Variants in CHD6 observed in about 807,000 individuals in gnomAD.
CHD6 encodes the protein ATP-dependent chromatin remodeler CHD6.
In CHD6, 50 loss-of-function variants were observed where a neutral mutation model predicts 276.9. The ratio of observed to expected loss-of-function variants is 0.18; its 90% confidence interval spans 0.14 to 0.23. CHD6 has a LOEUF of 0.23. Among genes scored for constraint, CHD6 ranks in the 10% least tolerant of loss-of-function variants. The probability of loss-of-function intolerance (pLI) is 1.00; values close to 1 mark genes in which losing one functional copy is unlikely to be tolerated. For missense variants in CHD6, 2,564 were observed against 3,365.8 expected (o/e 0.76, Z 5.89); for synonymous variants, 1,173 against 1,229.3 (o/e 0.95, Z 0.96).
chr20:41,557,962 A>G (rs2045258826), intron 1 of CHD6, among the ~76,000 whole-genome samples: 1 of 152,202 alleles, frequency 6.6e-6, no homozygotes, highest in Non-Finnish European at 1.5e-5. Context: ...AGGGTATACC[A>G]TGGGGATTTT....
intron 15 of CHD6, among the ~76,000 whole-genome samples, chr20:41,483,752 G>C (rs902582949): frequency 6.6e-6 from 1 of 152,284 alleles, no homozygotes; most frequent in Non-Finnish European, 1.5e-5. Context: ...CAAGTAGAGA[G>C]AGGATCTGAG....
intron 5 of CHD6, among the ~76,000 whole-genome samples, chr20:41,510,294 G>A (rs755475042): frequency 2.0e-5 from 3 of 152,212 alleles, no homozygotes; most frequent in Non-Finnish European, 1.5e-5. Context: ...AGGAAGCCCA[G>A]TATGTAAAAA....
At chr20:41,476,977 T>C (rs910648263) in intron 16 of CHD6, among the ~76,000 whole-genome samples, 4 of 151,958 alleles carry the variant, frequency 2.6e-5, no homozygotes, top group African/African-American at 7.3e-5. Context: ...TGGCTCACTC[T>C]TGTAACCCCA....
At chr20:41,532,216 C>A (rs1568681371) in intron 3 of CHD6, among the ~76,000 whole-genome samples, 2 of 152,164 alleles carry the variant, frequency 1.3e-5, no homozygotes, top group Non-Finnish European at 2.9e-5. Flanking sequence ...CTCTGTAAGT[C>A]ATTATGGTCT....
At chr20:41,454,106 C>G (rs899211753) in intron 20 of CHD6, among the ~76,000 whole-genome samples, 3 of 152,222 alleles carry the variant, frequency 2.0e-5, no homozygotes, top group Non-Finnish European at 4.4e-5. Context: ...GCCTGACCAC[C>G]TCCTCTTCTA....
chr20:41,498,563 T>C (rs142706019), intron 6 of CHD6, among the ~76,000 whole-genome samples: 3 of 152,292 alleles, frequency 2.0e-5, no homozygotes, highest in Non-Finnish European at 2.9e-5. Context: ...GGCACCCCAC[T>C]AACGCTTCAC....
Position 41,512,984 on chromosome 20 carries a change from C to T in CHD6, c.714G>A (p.Ser238=), listed in dbSNP as rs187181944. 5.1e-5 allele frequency: 82 copies of T among 1,614,002 alleles called. 1 individual carries two copies. The highest frequency in any genetic ancestry group is 4.5e-4 in the East Asian group (20 of 44,874). ...TESTDSQKRR[S]GRQVKRRKYN... ...ATTTTCTGCGCTTTACTTGCCTTCC[C>T]GAGCGTCGTTTCTGTAGGGCAAACA... The change falls in exon 5 of 37, where the codon TCG becomes TCA. Residue 238 remains serine, a synonymous_variant. Transcript: ENST00000373233.
At chr20:41,587,647 C>T (rs1432783437) in intron 1 of CHD6, among the ~76,000 whole-genome samples, 1 of 152,180 alleles carries the variant, frequency 6.6e-6, no homozygotes, top group African/African-American at 2.4e-5. Context: ...ACACTGAAAA[C>T]TGACAAGCTT....
chr20:41,579,455 A>G (rs928325781), intron 1 of CHD6, among the ~76,000 whole-genome samples: 16 of 150,388 alleles, frequency 1.1e-4, no homozygotes, highest in African/African-American at 2.9e-4. Flanking sequence ...AAAAAAAAAA[A>G]TCTTAAAAGG....
Position 41,403,172 on chromosome 20 carries a change from A to G in CHD6, c.*1421T>C. The stretch of plus-strand genomic sequence containing the variant: ...TAAATTAGCAAAACTGTAACAGAAA[A>G]AGTAAAAAATACAGTAAATTGTGAC... On this transcript the variant is annotated 3_prime_UTR_variant, in exon 37 of 37. Coordinates refer to ENST00000373233, the MANE Select transcript of CHD6 (RefSeq NM_032221.5). 1.3e-6 allele frequency: 1 copy of G among 779,082 alleles called. No individual in the cohort carries two copies. The highest frequency in any genetic ancestry group is 1.6e-6 in the Non-Finnish European group (1 of 619,854). 48.3% of individuals were successfully genotyped at this position (779,082 alleles called of 1,614,324 possible). A position where few individuals can be genotyped will look rare whatever the true frequency, so the allele number is the denominator to read the frequency against.
chr20:41,525,945 C>G (rs1324708462), intron 3 of CHD6, among the ~76,000 whole-genome samples: 2 of 152,150 alleles, frequency 1.3e-5, no homozygotes, highest in Non-Finnish European at 2.9e-5. Flanking sequence ...ACCTCAATGA[C>G]TAGTCTCATA....
intron 5 of CHD6, among the ~76,000 whole-genome samples, chr20:41,508,766 A>G (rs1169257952): frequency 6.6e-6 from 1 of 152,122 alleles, no homozygotes; most frequent in East Asian, 1.9e-4. Flanking sequence ...AAGGAGTCTC[A>G]GAAAGGAGCC....
chr20:41,493,475 GAT>G, intron 10 of CHD6, 61 bp downstream of exon 10: 3 of 1,532,918 alleles, frequency 2.0e-6, no homozygotes. Flanking sequence ...GGACTTCCAT[GAT>G]TGCAAAGTTC....
intron 1 of CHD6, among the ~76,000 whole-genome samples, chr20:41,555,494 G>A (rs1360000302): frequency 2.0e-5 from 3 of 151,632 alleles, no homozygotes; most frequent in Admixed American, 1.3e-4. Context: ...GCCGGGCGGA[G>A]GGGCTCCTCA....
chr20:41,554,135 G>A (rs2045185751), intron 1 of CHD6, among the ~76,000 whole-genome samples: 1 of 152,052 alleles, frequency 6.6e-6, no homozygotes. Flanking sequence ...ACAGAGTGAG[G>A]CCCTGTCTCA....
At chr20:41,479,330 A>C (rs560950802) in intron 16 of CHD6, among the ~76,000 whole-genome samples, 2 of 152,316 alleles carry the variant, frequency 1.3e-5, no homozygotes, top group African/African-American at 4.8e-5. Context: ...CAAATTCAAG[A>C]AGCTCAGTAA....
At chr20:41,533,594 A>G (rs1601103274) in intron 2 of CHD6, 24 bp from the exon 3 acceptor site, 3 of 1,560,126 alleles carry the variant, frequency 1.9e-6, no homozygotes, top group Non-Finnish European at 2.6e-6. Flanking sequence ...AGAAACAAGC[A>G]TATTACCCTT....
At chr20:41,593,921 T>C (rs1187465720) in intron 1 of CHD6, among the ~76,000 whole-genome samples, 1 of 152,064 alleles carries the variant, frequency 6.6e-6, no homozygotes, top group African/African-American at 2.4e-5. Context: ...ATTTCTATTC[T>C]TTAAGCTATC....
chr20:41,618,076 G>A (rs2045953235), intron 1 of CHD6, among the ~76,000 whole-genome samples: 1 of 148,790 alleles, frequency 6.7e-6, no homozygotes, highest in Non-Finnish European at 1.5e-5. Context: ...GAGCGAAAGC[G>A]GGAGCGGGAG....
Sources: allele counts gnomAD v4.1 joint callset (sites outside exome capture counted in the v4.1 genomes callset), GRCh38; gene constraint gnomAD v4.1.1; transcripts MANE v1.5; gene names NCBI Gene and HGNC (gene_info 2026-07-23, HGNC 2026-07-21).